Variants in NRXN3 observed in about 807,000 individuals in gnomAD.
The protein encoded by NRXN3 is neurexin 3, also known as neurexin III.
A neutral mutation model predicts 137.6 loss-of-function variants in NRXN3; 32 were observed. The observed-to-expected ratio is 0.23, with a 90% CI of 0.18 to 0.31. The LOEUF (loss-of-function observed/expected upper bound fraction) is 0.31, where lower values mean the gene tolerates loss of function less well. NRXN3 is among the 10% of genes least tolerant of loss of function. The pLI is 1.00. For synonymous variants in NRXN3, 798 were observed against 784.5 expected (o/e 1.02, Z -0.29); for missense variants, 1,574 against 2,062.5 (o/e 0.76, Z 4.59).
At chr14:78,340,540 A>C (rs2082031665) in intron 4 of NRXN3, among the ~76,000 whole-genome samples, 1 of 152,132 alleles carries the variant, frequency 6.6e-6, no homozygotes, top group Non-Finnish European at 1.5e-5. Context: ...GGTCTCTCTC[A>C]CACATCCAGG....
intron 8 of NRXN3, among the ~76,000 whole-genome samples, chr14:78,770,070 T>C (rs779003070): frequency 1.3e-5 from 2 of 152,214 alleles, no homozygotes; most frequent in Non-Finnish European, 2.9e-5. Context: ...TCTGTATTTA[T>C]ACAGATTTAG....
chr14:79,280,384 C>A (rs1436442228), intron 15 of NRXN3: 1 of 1,614,116 alleles, frequency 6.2e-7, no homozygotes, highest in Non-Finnish European at 8.5e-7. Context: ...GTATCGTCAG[C>A]TCTGTATGGA....
chr14:79,327,338 G>T (rs564592976), intron 15 of NRXN3, among the ~76,000 whole-genome samples: 2 of 152,068 alleles, frequency 1.3e-5, no homozygotes, highest in African/African-American at 4.8e-5. Context: ...CTTGATTCAA[G>T]GGTCAAAAAT....
intron 16 of NRXN3, among the ~76,000 whole-genome samples, chr14:79,501,079 C>T (rs2153672447): frequency 6.6e-6 from 1 of 152,300 alleles, no homozygotes; most frequent in Middle Eastern, 3.4e-3. Context: ...AAAGTTCCAA[C>T]AGGCCTAGGG....
chr14:79,059,493 G>A (rs1328600772), intron 15 of NRXN3, among the ~76,000 whole-genome samples: 4 of 151,884 alleles, frequency 2.6e-5, no homozygotes, highest in Admixed American at 1.3e-4. Context: ...TCCTGACCTC[G>A]TGATCCCCCA....
chr14:78,605,280 C>A (rs2097239987), intron 4 of NRXN3, among the ~76,000 whole-genome samples: 1 of 152,162 alleles, frequency 6.6e-6, no homozygotes, highest in Admixed American at 6.5e-5. Flanking sequence ...TCATTAGTAT[C>A]TTGACATCTA....
At chr14:78,448,545 A>T (rs932084340) in intron 4 of NRXN3, among the ~76,000 whole-genome samples, 1 of 152,190 alleles carries the variant, frequency 6.6e-6, no homozygotes, top group Admixed American at 6.5e-5. Flanking sequence ...CTGGTCTTGG[A>T]GGTGCTGTGA....
intron 15 of NRXN3, among the ~76,000 whole-genome samples, chr14:79,079,320 C>T (rs1314301608): frequency 2.0e-5 from 3 of 152,120 alleles, no homozygotes; most frequent in Non-Finnish European, 2.9e-5. Flanking sequence ...TAGTAAAATA[C>T]TTTAAGCATG....
At chr14:78,923,259 T>C (rs2099276028) in intron 10 of NRXN3, among the ~76,000 whole-genome samples, 1 of 152,224 alleles carries the variant, frequency 6.6e-6, no homozygotes, top group African/African-American at 2.4e-5. Flanking sequence ...GCCCTCAGGC[T>C]AGCTACAGAA....
intron 8 of NRXN3, among the ~76,000 whole-genome samples, chr14:78,745,811 G>A (rs1427854906): frequency 6.6e-6 from 1 of 152,110 alleles, no homozygotes; most frequent in African/African-American, 2.4e-5. Context: ...GTGTGTTAGA[G>A]TGAAAATAAC....
chr14:79,335,480 C>T (rs895263777), intron 15 of NRXN3, among the ~76,000 whole-genome samples: 11 of 151,764 alleles, frequency 7.2e-5, no homozygotes, highest in Non-Finnish European at 5.9e-5. Context: ...TGTTCACACC[C>T]CTCTATTAAC....
intron 15 of NRXN3, among the ~76,000 whole-genome samples, chr14:79,179,189 T>C (rs76797666): frequency 0.013 from 1,943 of 152,274 alleles, 38 homozygotes; most frequent in African/African-American, 0.044. Flanking sequence ...TTTTCAGAGA[T>C]GTTTATGAGA....
At chr14:78,927,241 T>C (rs2099308438) in intron 10 of NRXN3, among the ~76,000 whole-genome samples, 1 of 151,292 alleles carries the variant, frequency 6.6e-6, no homozygotes, top group Admixed American at 6.6e-5. Flanking sequence ...AGTCTTTCCT[T>C]ATGGAGCCCA....
intron 14 of NRXN3, among the ~76,000 whole-genome samples, chr14:78,981,988 C>T (rs2099490620): frequency 6.6e-6 from 1 of 152,114 alleles, no homozygotes; most frequent in African/African-American, 2.4e-5. Context: ...CTCATTCATT[C>T]AATAGTTATT....
chr14:79,485,473 G>A (rs1304970166), intron 16 of NRXN3, among the ~76,000 whole-genome samples: 1 of 152,054 alleles, frequency 6.6e-6, no homozygotes, highest in Non-Finnish European at 1.5e-5. Flanking sequence ...TACCTTGAAG[G>A]TATTTATAGG....
chr14:78,698,452 C>T (rs910503778), intron 6 of NRXN3, among the ~76,000 whole-genome samples: 1 of 152,006 alleles, frequency 6.6e-6, no homozygotes, highest in African/African-American at 2.4e-5. Flanking sequence ...TGGCCAAAGG[C>T]CTCATTGTTG....
At chr14:78,312,527 T>C (rs1210995044) in intron 4 of NRXN3, among the ~76,000 whole-genome samples, 5 of 152,206 alleles carry the variant, frequency 3.3e-5, no homozygotes, top group Non-Finnish European at 7.4e-5. Context: ...TTGCACTTCC[T>C]TTCTTCCTTT....
intron 8 of NRXN3, among the ~76,000 whole-genome samples, chr14:78,745,577 A>G (rs1302839739): frequency 6.6e-6 from 1 of 152,140 alleles, no homozygotes; most frequent in East Asian, 1.9e-4. Flanking sequence ...TATTTCCATT[A>G]TATCTATATT....
intron 15 of NRXN3, among the ~76,000 whole-genome samples, chr14:79,240,844 C>T (rs2074159606): frequency 6.6e-6 from 1 of 152,128 alleles, no homozygotes; most frequent in African/African-American, 2.4e-5. Context: ...CAATATTAAA[C>T]ACATTACTTT....
Sources: allele counts gnomAD v4.1 joint callset (sites outside exome capture counted in the v4.1 genomes callset), GRCh38; gene constraint gnomAD v4.1.1; transcripts MANE v1.5; gene names NCBI Gene and HGNC (gene_info 2026-07-23, HGNC 2026-07-21).